The following RAP1GAP2 variants were observed in gnomAD, a reference collection of about 807,000 sequenced individuals.
RAP1GAP2 encodes RAP1 GTPase activating protein 2.
Under a neutral mutation model 95.0 loss-of-function variants are expected in RAP1GAP2, and 27 were observed. The ratio of observed to expected loss-of-function variants is 0.28; its 90% CI spans 0.21 to 0.39. The LOEUF (loss-of-function observed/expected upper bound fraction) is 0.39. Ranked by LOEUF, RAP1GAP2 falls within the 10% of genes least tolerant of loss-of-function variation. The pLI, the probability that RAP1GAP2 is intolerant of heterozygous loss-of-function variation, is 1.00. For synonymous variants in RAP1GAP2, 373 were observed against 380.9 expected (o/e 0.98, Z 0.24); for missense variants, 771 against 970.0 (o/e 0.79, Z 2.72).
chr17:2,904,048 G>T lies in RAP1GAP2; in HGVS notation c.81-1236G>T, dbSNP rs556442379. 6.6e-6 allele frequency among the ~76,000 whole-genome samples: 1 copy of T among 152,310 alleles called. No individual in the cohort carries two copies. The highest frequency in any genetic ancestry group is 1.9e-4 in the East Asian group (1 of 5,186). On this transcript the variant is annotated intron_variant, in intron 2 of 24. Transcript: ENST00000254695. The surrounding 1 kb of genome is among the most constrained non-coding windows in gnomAD (Gnocchi z 4.7). ...TTGATCATTTACGCAGGACCTGGGG[G>T]TTGGGCTGACTCTCTCTGCTGCTTC...
chr17:3,028,783 A>G (rs7215370), intron 22 of RAP1GAP2, among the ~76,000 whole-genome samples: 22,899 of 152,074 alleles, frequency 0.15, 2,028 homozygotes, highest in Middle Eastern at 0.21. Context: ...TCATCTGTAA[A>G]AGGGGGTGGA....
intron 19 of RAP1GAP2, among the ~76,000 whole-genome samples, chr17:3,024,252 C>T (rs2047037621): frequency 6.6e-6 from 1 of 152,148 alleles, no homozygotes; most frequent in Admixed American, 6.5e-5. Context: ...GGGAGGACAT[C>T]TGTGTCAGAC....
intron 17 of RAP1GAP2, among the ~76,000 whole-genome samples, chr17:3,015,271 CAG>C (rs1208287827): frequency 4.6e-5 from 7 of 152,226 alleles, no homozygotes; most frequent in African/African-American, 1.4e-4. Flanking sequence ...CCGATCAAAT[CAG>C]GGGTATGAAG....
intron 18 of RAP1GAP2, among the ~76,000 whole-genome samples, chr17:3,019,945 C>A (rs765935990): frequency 6.6e-6 from 1 of 152,250 alleles, no homozygotes; most frequent in Non-Finnish European, 1.5e-5. Context: ...TGCCGCCAAC[C>A]GCCCATTGGT....
At chr17:2,940,110 G>T (rs927883358) in intron 3 of RAP1GAP2, among the ~76,000 whole-genome samples, 1 of 152,142 alleles carries the variant, frequency 6.6e-6, no homozygotes, top group Non-Finnish European at 1.5e-5. Flanking sequence ...AGGGATGCCC[G>T]TCCAGGCCCT....
rs1480225169 is a variant in RAP1GAP2, at chr17:2,871,452, G to C, written c.81-33832G>C. Among the ~76,000 whole-genome samples the C allele has an allele frequency of 6.6e-6, 1 of 152,170 alleles. No individual in the cohort carries two copies. Among genetic ancestry groups the C allele is most frequent in the African/African-American group, 2.4e-5 (1 of 41,440 alleles). On this transcript the variant is annotated intron_variant, in intron 2 of 24. Transcript: ENST00000254695. The surrounding 1 kb of genome is among the most constrained non-coding windows in gnomAD (Gnocchi z 5.0). ...GAGTCAGGGGCGCACTCTGGTCAGAGTGGTGTTGTGTTACAAGAGTCCTGT... is the reference window on the plus strand; with the variant it reads ...GAGTCAGGGGCGCACTCTGGTCAGACTGGTGTTGTGTTACAAGAGTCCTGT...
chr17:2,813,123 G>C (rs2069845473), intron 2 of RAP1GAP2, among the ~76,000 whole-genome samples: 1 of 150,804 alleles, frequency 6.6e-6, no homozygotes, highest in Non-Finnish European at 1.5e-5. Context: ...CCAGGCTGGA[G>C]TGCAGTGGTG....
chr17:2,770,760 G>T (rs1161415547), intron 2 of RAP1GAP2, among the ~76,000 whole-genome samples: 7 of 152,356 alleles, frequency 4.6e-5, no homozygotes, highest in Non-Finnish European at 2.9e-5. Context: ...CTGGAGATTG[G>T]TCGGGCTCAG....
intron 3 of RAP1GAP2, among the ~76,000 whole-genome samples, chr17:2,925,383 T>G (rs760863988): frequency 3.9e-5 from 6 of 152,018 alleles, no homozygotes; most frequent in Non-Finnish European, 8.8e-5. Context: ...CTCAGGAAAC[T>G]TACAATCATG....
chr17:2,832,223 A>C (rs1398193718), intron 2 of RAP1GAP2, among the ~76,000 whole-genome samples: 3 of 149,102 alleles, frequency 2.0e-5, no homozygotes, highest in Admixed American at 6.7e-5. Flanking sequence ...AAAGAAAACA[A>C]AAAAACCCAA....
At chr17:2,914,852 C>T (rs181066529) in intron 3 of RAP1GAP2, among the ~76,000 whole-genome samples, 24 of 146,106 alleles carry the variant, frequency 1.6e-4, no homozygotes, top group African/African-American at 4.4e-4. Context: ...AGTGCAATGG[C>T]GCCATCTCGG....
At chr17:2,802,449 C>A (rs976911881) in intron 2 of RAP1GAP2, among the ~76,000 whole-genome samples, 1 of 152,076 alleles carries the variant, frequency 6.6e-6, no homozygotes, top group African/African-American at 2.4e-5. Context: ...GTGGTTCACG[C>A]CTGTAATCCC....
intron 3 of RAP1GAP2, among the ~76,000 whole-genome samples, chr17:2,932,604 A>AAAG: frequency 6.7e-6 from 1 of 148,344 alleles, no homozygotes; most frequent in Non-Finnish European, 1.5e-5. Flanking sequence ...AAAAAAAAAA[A>AAAG]GAGGAGCTCG....
chr17:3,013,879 G>A (rs1417228449), intron 17 of RAP1GAP2, among the ~76,000 whole-genome samples: 3 of 151,934 alleles, frequency 2.0e-5, no homozygotes, highest in African/African-American at 7.3e-5. Context: ...CTGCATCTCA[G>A]AATTGTAGAG....
At chr17:2,862,188 G>GAC (rs1282839747) in intron 2 of RAP1GAP2, among the ~76,000 whole-genome samples, 1 of 152,160 alleles carries the variant, frequency 6.6e-6, no homozygotes, top group Non-Finnish European at 1.5e-5. Context: ...CAGGAGCCAG[G>GAC]GCTCTTCTTG....
chr17:2,851,969 G>A (rs73310078), intron 2 of RAP1GAP2, among the ~76,000 whole-genome samples: 4,869 of 152,232 alleles, frequency 0.032, 182 homozygotes, highest in African/African-American at 0.094. Flanking sequence ...TTCTGTGTGT[G>A]GGTAAAATAC....
chr17:2,921,792 C>T (rs1436724708), intron 3 of RAP1GAP2, among the ~76,000 whole-genome samples: 5 of 152,144 alleles, frequency 3.3e-5, no homozygotes, highest in Admixed American at 1.3e-4. Flanking sequence ...GCCAGAGGCT[C>T]GAGGGGAAGC....
intron 1 of RAP1GAP2, among the ~76,000 whole-genome samples, chr17:2,760,198 C>G (rs995298303): frequency 7.8e-6 from 1 of 127,894 alleles, no homozygotes; most frequent in African/African-American, 3.0e-5. Flanking sequence ...GAGGCTGAGG[C>G]AGGAGAATGG....
chr17:3,009,392 G>A (rs1439471386), intron 17 of RAP1GAP2, among the ~76,000 whole-genome samples: 1 of 152,184 alleles, frequency 6.6e-6, no homozygotes, highest in Non-Finnish European at 1.5e-5. Flanking sequence ...AATAATTTTG[G>A]TATAATAGTT....
Sources: allele counts gnomAD v4.1 joint callset (sites outside exome capture counted in the v4.1 genomes callset), GRCh38; gene constraint gnomAD v4.1.1; non-coding constraint Gnocchi (gnomAD v3.1); transcripts MANE v1.5; gene names NCBI Gene and HGNC (gene_info 2026-07-23, HGNC 2026-07-21).